Variants in MEIOSIN observed in about 807,000 individuals in gnomAD.
MEIOSIN encodes the protein meiosis initiator protein.
MEIOSIN carries 18 observed loss-of-function variants against 23.4 expected under a neutral mutation model. The ratio of observed to expected loss-of-function variants is 0.77; its 90% confidence interval spans 0.53 to 1.14. MEIOSIN has a LOEUF of 1.14. MEIOSIN is among the 50% of genes most tolerant of loss of function. The pLI is 0.00. For missense variants in MEIOSIN, 428 were observed against 242.9 expected (o/e 1.76, Z -5.07); for synonymous variants, 187 against 100.6 (o/e 1.86, Z -5.14).
At chr19:45,750,629 G>A (rs979375599) in intron 4 of MEIOSIN, 46 bp from the exon 5 acceptor site, 1 of 491,418 alleles carries the variant, frequency 2.0e-6, no homozygotes, top group Non-Finnish European at 3.6e-6. Flanking sequence ...AAAGTGCTGT[G>A]ATTACAGGCG....
chr19:45,750,366 T>C (rs867028633), intron 4 of MEIOSIN, among the ~76,000 whole-genome samples: 1 of 101,120 alleles, frequency 9.9e-6, no homozygotes, highest in Non-Finnish European at 2.0e-5. Flanking sequence ...TTTTCTTTTT[T>C]TTTTTTTTTT....
At chr19:45,759,352 G>A (rs1273903171) in intron 10 of MEIOSIN, 62 bp from the exon 11 acceptor site, 1 of 700,188 alleles carries the variant, frequency 1.4e-6, no homozygotes, top group Non-Finnish European at 2.6e-6. Flanking sequence ...CGGTGTGGCT[G>A]AAGCTGGGCG....
intron 7 of MEIOSIN, among the ~76,000 whole-genome samples, 153 bp from the exon 8 acceptor site, chr19:45,755,815 TCA>T (rs372909154): frequency 6.6e-6 from 1 of 152,242 alleles, no homozygotes; most frequent in African/African-American, 2.4e-5. Context: ...CCCCTCAGCC[TCA>T]CACCAACGTG....
chr19:45,757,148 G>A, intron 8 of MEIOSIN, 29 bp from the exon 9 acceptor site: 1 of 702,426 alleles, frequency 1.4e-6, no homozygotes, highest in Non-Finnish European at 2.6e-6. Flanking sequence ...GAGTCTGTGA[G>A]TCTGACTCTG....
intron 4 of MEIOSIN, among the ~76,000 whole-genome samples, chr19:45,749,183 C>A (rs1009380116): frequency 2.7e-5 from 4 of 150,806 alleles, no homozygotes; most frequent in Non-Finnish European, 4.4e-5. Flanking sequence ...CCAGCCTGAA[C>A]AACATGGCGA....
chr19:45,754,825 C>T lies in MEIOSIN; in HGVS notation c.802+101C>T. 4.6e-6 allele frequency: 3 copies of T among 652,304 alleles called. No homozygotes were observed. In the South Asian group the frequency reaches 5.1e-5, roughly 11 times the overall value. The allele number at this position is 652,304 out of a possible 1,614,324, so 40.4% of individuals were successfully genotyped here. A position where few individuals can be genotyped will look rare whatever the true frequency, so the allele number is the denominator to read the frequency against. ...ACAGTACCCGTAGTGGGGGCTGCAGCAGTGAATAGGAAACACCGCCTCTTA... is the reference window on the plus strand; with the variant it reads ...ACAGTACCCGTAGTGGGGGCTGCAGTAGTGAATAGGAAACACCGCCTCTTA... On this transcript the variant is annotated intron_variant, in intron 7 of 14. Transcript: ENST00000457052.
chr19:45,757,358 G>C, intron 9 of MEIOSIN, 81 bp downstream of exon 9: 1 of 658,762 alleles, frequency 1.5e-6, no homozygotes, highest in Non-Finnish European at 2.8e-6. Context: ...CTATGGAAGA[G>C]AGGAGGCGGG....
At chr19:45,761,599 T>C in intron 11 of MEIOSIN, 80 bp from the exon 12 acceptor site, 2 of 637,778 alleles carry the variant, frequency 3.1e-6, no homozygotes, top group South Asian at 3.4e-5. Context: ...GCTCATGTTA[T>C]GTCCTAGAAA....
At chr19:45,758,136 G>A (rs1259132300) in intron 9 of MEIOSIN, among the ~76,000 whole-genome samples, 3 of 151,928 alleles carry the variant, frequency 2.0e-5, no homozygotes, top group African/African-American at 7.2e-5. Context: ...TGGGATTACA[G>A]GTGTGCACCA....
chr19:45,739,475 C>T (rs1399635973), intron 2 of MEIOSIN, 151 bp from the exon 3 acceptor site: 1 of 607,252 alleles, frequency 1.6e-6, no homozygotes, highest in Non-Finnish European at 3.0e-6. Flanking sequence ...TTTGGAAGGG[C>T]AAGATGGTTC....
At chr19:45,756,140 G>C (rs1968824726) in intron 8 of MEIOSIN, 62 bp downstream of exon 8, 1 of 692,868 alleles carries the variant, frequency 1.4e-6, no homozygotes, top group South Asian at 1.5e-5. Flanking sequence ...GCGTGGGTGA[G>C]GGGTAGTGGG....
chr19:45,755,356 A>C (rs1325071279), intron 7 of MEIOSIN, among the ~76,000 whole-genome samples: 6 of 151,704 alleles, frequency 4.0e-5, no homozygotes, highest in African/African-American at 1.5e-4. Context: ...TGCCATATTG[A>C]CCAGGCTGGT....
intron 11 of MEIOSIN, among the ~76,000 whole-genome samples, chr19:45,761,330 C>A (rs1008141268): frequency 6.6e-6 from 1 of 151,740 alleles, no homozygotes; most frequent in African/African-American, 2.4e-5. Flanking sequence ...CCATGTTGGC[C>A]AGGCTGGTTT....
In MEIOSIN at chr19:45,761,744, G is replaced by T; in HGVS notation, c.1311G>T (p.Ser437=). 2 of 702,924 alleles carry T rather than the reference G, an allele frequency of 2.8e-6. 1 individual carries two copies. The highest frequency in any genetic ancestry group is 3.0e-5 in the South Asian group (2 of 67,564). 43.5% of individuals were successfully genotyped at this position (702,924 alleles called of 1,614,324 possible). A position where few individuals can be genotyped will look rare whatever the true frequency, so the allele number is the denominator to read the frequency against. Residue 437 remains serine (S), a synonymous_variant, in exon 12 of 15, where the codon TCG becomes TCT. Coordinates refer to ENST00000457052, the MANE Select transcript of MEIOSIN (RefSeq NM_001310124.2). ...ESHSLHRSSV[S]LDHCYLSLSG... ...ACAGCCTGCACCGGTCCTCAGTCTC[G>T]CTGGACCACTGCTACCTCTCGCTGA...
chr19:45,751,875 C>T (rs1013108694), intron 5 of MEIOSIN, among the ~76,000 whole-genome samples: 9 of 151,624 alleles, frequency 5.9e-5, no homozygotes, highest in Non-Finnish European at 7.4e-5. Flanking sequence ...GGATTACAGG[C>T]ACTCACCACC....
rs1288368756 is a variant in MEIOSIN at position 45,753,741 on chromosome 19, A to G, written c.509A>G (p.Gln170Arg). 3 of 702,754 alleles carry G rather than the reference A, an allele frequency of 4.3e-6. No individual in the cohort carries two copies. The African/African-American group carries it at 5.2e-5, about 12-fold the overall frequency. The allele number at this position is 702,754 out of a possible 1,614,324, so 43.5% of individuals were successfully genotyped here. A position where few individuals can be genotyped will look rare whatever the true frequency, so the allele number is the denominator to read the frequency against. The change falls in exon 6 of 15, where the codon CAG (glutamine) becomes CGG (arginine). Residue 170 changes from glutamine (Q) to arginine (R), a missense_variant. Gln to Arg is a conservative substitution (Grantham distance 43). Coordinates refer to ENST00000457052, the MANE Select transcript of MEIOSIN (RefSeq NM_001310124.2). The part of the protein sequence containing the change: ...SSPSSQKSCL[Q>R]GACQKPRKKK... ...CCAAGCTCTCAGAAGTCCTGTCTCCAGGGGGCGTGCCAGAAGCCTCGGAAG... is the reference window on the plus strand; with the variant it reads ...CCAAGCTCTCAGAAGTCCTGTCTCCGGGGGGCGTGCCAGAAGCCTCGGAAG...
chr19:45,743,646 C>T (rs145752347), intron 3 of MEIOSIN, among the ~76,000 whole-genome samples: 4,971 of 151,942 alleles, frequency 0.033, 288 homozygotes, highest in African/African-American at 0.11. Context: ...CTCAGCCTCC[C>T]GAGTAGCTGG....
chr19:45,761,863 G>A lies in MEIOSIN; in HGVS notation c.1430G>A (p.Arg477Gln), dbSNP rs1022451451. Reference sequence around the variant, plus strand: ...GACTCGGAGCCCCTGTGGAAGCAGCGAGAGGTGAGAGACACGGCCGCATGC... The same window carrying A: ...GACTCGGAGCCCCTGTGGAAGCAGCAAGAGGTGAGAGACACGGCCGCATGC... ...DSDSEPLWKQ[R>Q]EDMQANPVGT... Residue 477 changes from arginine to glutamine, a missense_variant, in exon 12 of 15, where the codon CGA becomes CAA. Transcript: ENST00000457052. 15 of 660,672 alleles carry A rather than the reference G, an allele frequency of 2.3e-5. No homozygotes were observed. Among genetic ancestry groups the A allele is most frequent in the Non-Finnish European group, 3.0e-5 (11 of 361,968 alleles). 40.9% of individuals were successfully genotyped at this position (660,672 alleles called of 1,614,324 possible).
intron 3 of MEIOSIN, among the ~76,000 whole-genome samples, chr19:45,742,253 T>C (rs190534460): frequency 7.4e-4 from 112 of 152,186 alleles, no homozygotes; most frequent in Admixed American, 1.7e-3. Flanking sequence ...GGGACCATCC[T>C]GCCTTGGCCT....
Sources: allele counts gnomAD v4.1 joint callset (sites outside exome capture counted in the v4.1 genomes callset), GRCh38; gene constraint gnomAD v4.1.1; transcripts MANE v1.5; gene names NCBI Gene and HGNC (gene_info 2026-07-23, HGNC 2026-07-21).